The following NEXMIF variants were observed in gnomAD, a reference collection of about 807,000 sequenced individuals.
The protein encoded by NEXMIF is XLMR protein related to neurite extension.
A neutral mutation model predicts 62.1 loss-of-function variants in NEXMIF; 8 were observed. The ratio of observed to expected loss-of-function variants is 0.13; its 90% confidence interval spans 0.08 to 0.23. NEXMIF has a LOEUF of 0.23. Among genes scored for constraint, NEXMIF ranks in the 10% least tolerant of loss-of-function variants. The pLI is 1.00. For missense variants in NEXMIF, 976 were observed against 1,113.3 expected (o/e 0.88, Z 1.75); for synonymous variants, 404 against 416.6 (o/e 0.97, Z 0.37).
intron 1 of NEXMIF, among the ~76,000 whole-genome samples, chrX:74,855,560 T>C (rs1218826825): frequency 8.9e-6 from 1 of 112,022 alleles, no homozygotes; most frequent in African/African-American, 3.2e-5. Context: ...GAATTCTCCA[T>C]GGCCACATGC....
At chrX:74,906,922 A>G (rs896312260) in intron 1 of NEXMIF, among the ~76,000 whole-genome samples, 2 of 110,502 alleles carry the variant, frequency 1.8e-5, no homozygotes, top group African/African-American at 6.6e-5. Flanking sequence ...GCTTTCATCA[A>G]CTCACTGTCT....
intron 1 of NEXMIF, among the ~76,000 whole-genome samples, chrX:74,878,407 A>C (rs1005925549): frequency 1.8e-5 from 2 of 112,337 alleles, no homozygotes; most frequent in East Asian, 2.8e-4. Context: ...TCAGACAGGG[A>C]CATTTAAGTC....
chrX:74,764,083 A>T (rs1602220589), intron 1 of NEXMIF, among the ~76,000 whole-genome samples: 1 of 111,738 alleles, frequency 8.9e-6, no homozygotes, highest in Middle Eastern at 4.6e-3. Context: ...TTGCCCATTC[A>T]GTATGATATT....
At chrX:74,794,486 A>G (rs1253849442) in intron 1 of NEXMIF, among the ~76,000 whole-genome samples, 8 of 111,108 alleles carry the variant, frequency 7.2e-5, no homozygotes, top group African/African-American at 2.0e-4. Flanking sequence ...GGCCTCCTTG[A>G]GCTGTGGTGG....
At chrX:74,795,118 T>G (rs897515322) in intron 1 of NEXMIF, among the ~76,000 whole-genome samples, 5 of 112,052 alleles carry the variant, frequency 4.5e-5, no homozygotes, top group African/African-American at 1.6e-4. Context: ...CAACCCAGAC[T>G]TCTTGGAAAG....
intron 1 of NEXMIF, among the ~76,000 whole-genome samples, chrX:74,868,631 T>TGGGGGCCTGTGGGGGGGG (rs2080588875): frequency 2.1e-5 from 1 of 47,273 alleles, no homozygotes; most frequent in Non-Finnish European, 3.9e-5. Flanking sequence ...TGTTGGGGGG[T>TGGGGGCCTGTGGGGGGGG]GGGGGGGAAG....
chrX:74,755,906 A>T (rs1427422578), intron 1 of NEXMIF, among the ~76,000 whole-genome samples: 1 of 111,551 alleles, frequency 9.0e-6, no homozygotes, highest in Non-Finnish European at 1.9e-5. Context: ...TTTTTTTGAG[A>T]TGGAGTCTCA....
chrX:74,914,664 G>C (rs991255875), intron 1 of NEXMIF, among the ~76,000 whole-genome samples: 2 of 111,663 alleles, frequency 1.8e-5, no homozygotes, highest in African/African-American at 6.5e-5. Flanking sequence ...CTGGGCAACA[G>C]AGAAAGTCTC....
At position 74,796,159 on chromosome X, in the gene NEXMIF, ATAT is replaced by A. The variant is rs1235148559; in HGVS notation, c.-47-50465_-47-50463del. Among the ~76,000 whole-genome samples, 29 of 51,162 alleles carry A rather than the reference ATAT, an allele frequency of 5.7e-4. No individual in the cohort carries two copies. The South Asian group carries it at 0.021, about 38-fold the overall frequency. The allele number at this position is 51,162 out of a possible 115,157, so 44.4% of individuals were successfully genotyped here. A position where few individuals can be genotyped will look rare whatever the true frequency, so the allele number is the denominator to read the frequency against. ...ATATATATATTATATATATACATAT[ATAT>A]TATATATATTATATATATACATATA... is the stretch of plus-strand genomic sequence containing the variant. On this transcript the variant is annotated intron_variant, in intron 1 of 3. Coordinates refer to ENST00000055682, the MANE Select transcript of NEXMIF (RefSeq NM_001008537.3).
intron 1 of NEXMIF, among the ~76,000 whole-genome samples, chrX:74,820,962 C>A (rs1250265330): frequency 9.0e-6 from 1 of 111,057 alleles, no homozygotes; most frequent in Non-Finnish European, 1.9e-5. Context: ...ACTGAAACCC[C>A]AGCCACATGC....
At chrX:74,869,601 C>T (rs1011666528) in intron 1 of NEXMIF, among the ~76,000 whole-genome samples, 8 of 111,871 alleles carry the variant, frequency 7.2e-5, no homozygotes, top group African/African-American at 2.6e-4. Context: ...ACAATTAGAG[C>T]TGAAAAACAA....
chrX:74,785,485 T>TA (rs1026080948), intron 1 of NEXMIF, among the ~76,000 whole-genome samples: 19 of 109,639 alleles, frequency 1.7e-4, no homozygotes, highest in African/African-American at 5.0e-4. Context: ...GATGTAAAAC[T>TA]AAAAAAAAAA....
intron 1 of NEXMIF, among the ~76,000 whole-genome samples, chrX:74,882,040 T>C (rs139769014): frequency 3.7e-4 from 41 of 111,603 alleles, no homozygotes; most frequent in Middle Eastern, 9.2e-3. Flanking sequence ...GCCAAACCAT[T>C]TTGCACACTT....
intron 1 of NEXMIF, among the ~76,000 whole-genome samples, chrX:74,876,797 G>A (rs2080636542): frequency 9.7e-6 from 1 of 103,157 alleles, no homozygotes; most frequent in African/African-American, 3.5e-5. Context: ...TGTTTTATCA[G>A]AGACTAGGAT....
At chrX:74,896,414 C>A (rs1352158152) in intron 1 of NEXMIF, among the ~76,000 whole-genome samples, 1 of 112,345 alleles carries the variant, frequency 8.9e-6, no homozygotes, top group East Asian at 2.8e-4. Flanking sequence ...CAACTGATGA[C>A]TCCTTAAAGG....
chrX:74,799,750 C>A (rs2080323523), intron 1 of NEXMIF, among the ~76,000 whole-genome samples: 1 of 112,017 alleles, frequency 8.9e-6, no homozygotes. Context: ...CCTGCCTCAG[C>A]CTCCCAAAGT....
At chrX:74,857,588 C>T (rs1418975799) in intron 1 of NEXMIF, among the ~76,000 whole-genome samples, 1 of 111,371 alleles carries the variant, frequency 9.0e-6, no homozygotes, top group Non-Finnish European at 1.9e-5. Context: ...AGCACATTCT[C>T]AATTGTAGTG....
intron 1 of NEXMIF, among the ~76,000 whole-genome samples, chrX:74,787,144 G>A (rs1035927263): frequency 1.4e-4 from 15 of 106,379 alleles, no homozygotes; most frequent in African/African-American, 4.8e-4. Context: ...TTAGCCAGGC[G>A]TGGTGGTGGG....
At chrX:74,873,017 T>A (rs2080609874) in intron 1 of NEXMIF, among the ~76,000 whole-genome samples, 1 of 109,460 alleles carries the variant, frequency 9.1e-6, no homozygotes, top group African/African-American at 3.3e-5. Flanking sequence ...TACTTTAAGT[T>A]TTAGGATACA....
Sources: gnomAD v4.1 joint callset for allele counts (sites outside exome capture counted in the v4.1 genomes callset) on GRCh38, gnomAD v4.1.1 for gene constraint, MANE v1.5 for transcripts, NCBI Gene and HGNC (gene_info 2026-07-23, HGNC 2026-07-21) for gene names.